Variants in ZNF254 observed in about 807,000 individuals in gnomAD.
ZNF254 encodes zinc finger protein 254.
In ZNF254, 10 loss-of-function variants were observed where a neutral mutation model predicts 12.4. The observed-to-expected ratio is 0.80, with a 90% CI of 0.50 to 1.36. ZNF254 has a LOEUF of 1.36. Among genes scored for constraint, ZNF254 ranks in the 40% most tolerant of loss-of-function variants. The probability of loss-of-function intolerance (pLI) is 0.00; values close to 1 mark genes in which losing one functional copy is unlikely to be tolerated. For synonymous variants in ZNF254, 305 were observed against 253.4 expected (o/e 1.20, Z -1.93); for missense variants, 996 against 763.9 (o/e 1.30, Z -3.58).
intron 1 of ZNF254, among the ~76,000 whole-genome samples, chr19:24,035,008 T>C (rs1164244913): frequency 6.6e-6 from 1 of 151,900 alleles, no homozygotes. Context: ...CTATAAGATA[T>C]TGGAGAATTT....
At chr19:24,107,771 T>C (rs1973434395) in intron 3 of ZNF254, among the ~76,000 whole-genome samples, 1 of 152,158 alleles carries the variant, frequency 6.6e-6, no homozygotes, top group East Asian at 1.9e-4. Flanking sequence ...AAACACCTCT[T>C]CAAGTTTCTA....
chr19:24,065,548 T>C (rs553774376), intron 2 of ZNF254: 1 of 152,188 alleles, frequency 6.6e-6, no homozygotes, highest in East Asian at 1.9e-4. Flanking sequence ...CTGTGCAGGA[T>C]TGTTAATTCA....
chr19:24,107,824 C>A (rs1973436533), intron 3 of ZNF254, among the ~76,000 whole-genome samples: 2 of 152,074 alleles, frequency 1.3e-5, no homozygotes, highest in African/African-American at 4.8e-5. Flanking sequence ...TGTTGGGCCC[C>A]CAGAGTGATA....
intron 1 of ZNF254, among the ~76,000 whole-genome samples, chr19:24,097,230 A>G (rs372553962): frequency 5.9e-5 from 9 of 152,332 alleles, no homozygotes; most frequent in African/African-American, 2.2e-4. Flanking sequence ...TAAAGTTGAC[A>G]CAGATTTGTT....
chr19:24,090,357 A>G (rs1362711606), intron 1 of ZNF254, among the ~76,000 whole-genome samples: 1 of 152,258 alleles, frequency 6.6e-6, no homozygotes, highest in East Asian at 1.9e-4. Flanking sequence ...ACAGTCTCTC[A>G]AGTAATTGGA....
chr19:24,067,604 C>A (rs892950176), intron 2 of ZNF254, among the ~76,000 whole-genome samples: 5 of 152,070 alleles, frequency 3.3e-5, no homozygotes, highest in African/African-American at 1.2e-4. Context: ...ATTTCTGGGT[C>A]TTTTACCTAG....
intron 2 of ZNF254, among the ~76,000 whole-genome samples, chr19:24,065,307 C>T (rs1020032089): frequency 6.6e-6 from 1 of 152,198 alleles, no homozygotes; most frequent in African/African-American, 2.4e-5. Context: ...TACTCTTCTT[C>T]CTATGCCCTG....
chr19:24,083,864 G>C (rs1971935137), upstream of ZNF254, among the ~76,000 whole-genome samples: 1 of 152,156 alleles, frequency 6.6e-6, no homozygotes, highest in East Asian at 1.9e-4. Flanking sequence ...TTGGTGAAAA[G>C]GGAATACTTT....
chr19:24,073,548 C>T (rs1189369843), intron 2 of ZNF254, among the ~76,000 whole-genome samples: 2 of 152,240 alleles, frequency 1.3e-5, no homozygotes, highest in South Asian at 2.1e-4. Flanking sequence ...CACACCCAGC[C>T]GACAGTAAAG....
Position 24,105,951 on chromosome 19 carries a change from A to G in ZNF254, c.42A>G (p.Thr14=), listed in dbSNP as rs377404087. ...TGTGTGTTTTCCAGGGACTGTTGAC[A>G]TTTAGGGATGTGGCCATAGAATTCT... ...PPRSLEMGLL[T]FRDVAIEFSL... is the part of the protein sequence containing the mutation. The change falls in exon 2 of 4, where the codon ACA becomes ACG. Residue 14 remains threonine, a synonymous_variant. Coordinates refer to ENST00000357002, the MANE Select transcript of ZNF254 (RefSeq NM_203282.4). 25 of 1,595,006 alleles carry G rather than the reference A, an allele frequency of 1.6e-5. No individual in the cohort carries two copies. Among genetic ancestry groups the G allele is most frequent in the African/African-American group, 8.1e-5 (6 of 74,480 alleles).
intron 2 of ZNF254, among the ~76,000 whole-genome samples, chr19:24,067,294 CTTA>C (rs1971311850): frequency 6.6e-6 from 1 of 151,848 alleles, no homozygotes; most frequent in Non-Finnish European, 1.5e-5. Context: ...GCAAGAGTGA[CTTA>C]TTGTTGGGCC....
At chr19:24,114,072 G>T (rs1973880593) in intron 3 of ZNF254, among the ~76,000 whole-genome samples, 1 of 151,576 alleles carries the variant, frequency 6.6e-6, no homozygotes, top group Non-Finnish European at 1.5e-5. Flanking sequence ...TGGGTAGGAA[G>T]AATCAATATC....
At chr19:24,051,602 G>A (rs1409166957) in intron 2 of ZNF254, among the ~76,000 whole-genome samples, 1 of 147,502 alleles carries the variant, frequency 6.8e-6, no homozygotes, top group Non-Finnish European at 1.5e-5. Flanking sequence ...CCTAGATGAG[G>A]TGACTCTCCT....
intron 1 of ZNF254, chr19:24,104,962 A>G (rs1275125112): frequency 6.6e-6 from 1 of 152,244 alleles, no homozygotes; most frequent in African/African-American, 2.4e-5. Flanking sequence ...TAAAATCACT[A>G]TTACAAATTA....
At chr19:24,098,961 CTCT>C (rs1008016196) in intron 1 of ZNF254, 3 of 143,080 alleles carry the variant, frequency 2.1e-5, no homozygotes, top group Non-Finnish European at 3.0e-5. Context: ...GGCCTGCAGG[CTCT>C]TCTTCTGCAG....
At chr19:24,122,368 G>T (rs1016479713) in intron 3 of ZNF254, among the ~76,000 whole-genome samples, 1 of 152,034 alleles carries the variant, frequency 6.6e-6, no homozygotes, top group Non-Finnish European at 1.5e-5. Context: ...CAGATTACAG[G>T]TGACCGCCAT....
chr19:24,071,750 T>C (rs1450301343), intron 2 of ZNF254, among the ~76,000 whole-genome samples: 5 of 152,148 alleles, frequency 3.3e-5, no homozygotes, highest in Non-Finnish European at 1.5e-5. Flanking sequence ...TTGTGATGTA[T>C]TGCTGGGCCC....
chr19:24,063,391 C>T (rs1424650807), intron 2 of ZNF254, among the ~76,000 whole-genome samples: 6 of 152,200 alleles, frequency 3.9e-5, no homozygotes, highest in Non-Finnish European at 7.3e-5. Context: ...TTTGATAAAG[C>T]GCACAGTGGT....
At chr19:24,084,959 G>T (rs759825557), upstream of ZNF254, among the ~76,000 whole-genome samples, 30 of 125,546 alleles carry the variant, frequency 2.4e-4, no homozygotes, top group Non-Finnish European at 4.5e-4. Context: ...TTGAGACAGA[G>T]CCTCACTCTG....
Sources: allele counts gnomAD v4.1 joint callset (sites outside exome capture counted in the v4.1 genomes callset), GRCh38; gene constraint gnomAD v4.1.1; transcripts MANE v1.5; gene names NCBI Gene and HGNC (gene_info 2026-07-23, HGNC 2026-07-21).